CNTNAP2: variants seen among roughly 807,000 people sequenced by gnomAD.
The protein encoded by CNTNAP2 is contactin-associated protein-like 2.
A neutral mutation model predicts 155.2 loss-of-function variants in CNTNAP2; 98 were observed. The observed-to-expected ratio is 0.63, with a 90% CI of 0.54 to 0.75. The LOEUF is 0.75. Ranked by LOEUF, CNTNAP2 falls within the 30% of genes least tolerant of loss-of-function variation. The pLI is 0.00. For synonymous variants in CNTNAP2, 651 were observed against 631.2 expected (o/e 1.03, Z -0.47); for missense variants, 1,727 against 1,688.1 (o/e 1.02, Z -0.40).
In CNTNAP2 at chr7:147,679,152, G is replaced by A. The variant is rs142296445; in HGVS notation, c.2098+39846G>A. 1.3e-4 allele frequency among the ~76,000 whole-genome samples: 19 copies of A among 151,956 alleles called. No homozygotes were observed. In the East Asian group the frequency reaches 3.7e-3, roughly 29 times the overall value. ...CTGTGAAGAGCAGAGTGATATATGA[G>A]TGTGATAACTTAAGATGACATCTTA... On this transcript the variant is annotated intron_variant, in intron 13 of 23. Coordinates refer to ENST00000361727, the MANE Select transcript of CNTNAP2 (RefSeq NM_014141.6).
intron 3 of CNTNAP2, among the ~76,000 whole-genome samples, chr7:146,986,726 G>T (rs2129237976): frequency 6.6e-6 from 1 of 152,110 alleles, no homozygotes; most frequent in East Asian, 1.9e-4. Context: ...TTGCTTTGTG[G>T]TTTTGATTTG....
chr7:146,594,317 A>G (rs892742941), intron 1 of CNTNAP2, among the ~76,000 whole-genome samples: 1 of 152,094 alleles, frequency 6.6e-6, no homozygotes, highest in Non-Finnish European at 1.5e-5. Context: ...GTAGCCTTCC[A>G]GGCTTTTCCA....
chr7:147,477,105 T>A (rs1798336601), intron 10 of CNTNAP2, among the ~76,000 whole-genome samples: 1 of 152,134 alleles, frequency 6.6e-6, no homozygotes, highest in Non-Finnish European at 1.5e-5. Context: ...TATCGTCATC[T>A]TTTTTCCTCC....
intron 1 of CNTNAP2, among the ~76,000 whole-genome samples, chr7:146,496,994 C>T (rs980033945): frequency 2.0e-5 from 3 of 152,134 alleles, no homozygotes; most frequent in Non-Finnish European, 2.9e-5. Flanking sequence ...GCATTAACCT[C>T]GAGGGAATAC....
At chr7:147,643,353 G>T (rs1795316818) in intron 13 of CNTNAP2, 1 of 152,102 alleles carries the variant, frequency 6.6e-6, no homozygotes, top group Non-Finnish European at 1.5e-5. Context: ...ACCCTTCTGA[G>T]TCATTTTTTA....
At chr7:148,109,164 CA>C (rs1194499729) in intron 15 of CNTNAP2, among the ~76,000 whole-genome samples, 2 of 152,120 alleles carry the variant, frequency 1.3e-5, no homozygotes, top group Non-Finnish European at 2.9e-5. Context: ...AGTAAGTAAT[CA>C]CATTTGTTGA....
At chr7:146,151,695 T>TGCGCA (rs59305136) in intron 1 of CNTNAP2, among the ~76,000 whole-genome samples, 1 of 43,680 alleles carries the variant, frequency 2.3e-5, no homozygotes, top group African/African-American at 1.1e-4. Context: ...TATATATATA[T>TGCGCA]ATGTATATAT....
intron 13 of CNTNAP2, among the ~76,000 whole-genome samples, chr7:147,814,341 G>A (rs796159356): frequency 1.1e-4 from 17 of 152,144 alleles, no homozygotes; most frequent in African/African-American, 4.1e-4. Context: ...AAATTATTTT[G>A]GTGTCTTTTC....
intron 8 of CNTNAP2, among the ~76,000 whole-genome samples, chr7:147,184,120 T>C (rs1802518837): frequency 6.6e-6 from 1 of 152,182 alleles, no homozygotes; most frequent in African/African-American, 2.4e-5. Context: ...CCTGAGTTCC[T>C]GTAAAATGGC....
At chr7:148,149,713 A>C (rs1201116463) in intron 17 of CNTNAP2, among the ~76,000 whole-genome samples, 1 of 151,984 alleles carries the variant, frequency 6.6e-6, no homozygotes, top group Non-Finnish European at 1.5e-5. Flanking sequence ...CAGTATGCCC[A>C]GCAAATTTTT....
chr7:147,620,385 A>G (rs926123804), intron 12 of CNTNAP2, among the ~76,000 whole-genome samples: 4 of 152,178 alleles, frequency 2.6e-5, no homozygotes, highest in Non-Finnish European at 5.9e-5. Context: ...GACTTTTCAG[A>G]CAGAGAATTC....
intron 1 of CNTNAP2, among the ~76,000 whole-genome samples, chr7:146,238,873 C>T (rs1412794245): frequency 6.6e-6 from 1 of 152,120 alleles, no homozygotes; most frequent in South Asian, 2.1e-4. Flanking sequence ...ACAAAACCAT[C>T]AGATCTTGTG....
intron 13 of CNTNAP2, among the ~76,000 whole-genome samples, chr7:147,872,660 A>T: frequency 6.6e-6 from 1 of 152,238 alleles, no homozygotes; most frequent in East Asian, 1.9e-4. Context: ...GTAAATCTTG[A>T]TTCAATTCAT....
At position 146,275,090 on chromosome 7, in the gene CNTNAP2, A is replaced by G. The variant is rs564624912; in HGVS notation, c.97+158117A>G. 2.0e-3 allele frequency among the ~76,000 whole-genome samples: 309 copies of G among 152,292 alleles called. 3 individuals are homozygous for G. The highest frequency in any genetic ancestry group is 7.0e-3 in the African/African-American group (290 of 41,556). ...GTGCATTTTTAGATCCTGAATATGA[A>G]GATAATACGCACTATGCATTTGGTT... On this transcript the variant is annotated intron_variant, in intron 1 of 23. Coordinates refer to ENST00000361727, the MANE Select transcript of CNTNAP2 (RefSeq NM_014141.6).
rs6958202 is a variant in CNTNAP2, at chr7:147,072,066, C to T, written c.550+28012C>T. 4.7e-3 allele frequency among the ~76,000 whole-genome samples: 715 copies of T among 152,090 alleles called. 5 individuals are homozygous for T. Among genetic ancestry groups the T allele is most frequent in the African/African-American group, 0.016 (666 of 41,472 alleles). On this transcript the variant is annotated intron_variant, in intron 4 of 23. Transcript: ENST00000361727. ...GTGCTCTCAAGGTAATAGAAGCCAA[C>T]GGAAATGTGACTTCAGTAGTGATCT...
At chr7:148,055,112 G>C (rs1389779180) in intron 15 of CNTNAP2, among the ~76,000 whole-genome samples, 8 of 152,010 alleles carry the variant, frequency 5.3e-5, no homozygotes, top group Non-Finnish European at 1.2e-4. Flanking sequence ...TCAAACTCCT[G>C]ACCTCAGGTG....
chr7:147,202,030 C>T (rs543895998), intron 8 of CNTNAP2, among the ~76,000 whole-genome samples: 3 of 151,914 alleles, frequency 2.0e-5, no homozygotes, highest in Non-Finnish European at 4.4e-5. Flanking sequence ...AAACTAATTT[C>T]TAACCATAAA....
intron 1 of CNTNAP2, among the ~76,000 whole-genome samples, chr7:146,573,822 T>C (rs1361329017): frequency 6.6e-6 from 1 of 152,230 alleles, no homozygotes; most frequent in Non-Finnish European, 1.5e-5. Context: ...TAAGTGTTTG[T>C]CAATTAAATC....
chr7:146,550,034 A>T (rs1021625052), intron 1 of CNTNAP2, among the ~76,000 whole-genome samples: 3 of 152,186 alleles, frequency 2.0e-5, no homozygotes, highest in Admixed American at 1.3e-4. Flanking sequence ...AAAAGCGTGG[A>T]ACCTAAAAAG....
Sources: allele counts gnomAD v4.1 joint callset (sites outside exome capture counted in the v4.1 genomes callset), GRCh38; gene constraint gnomAD v4.1.1; transcripts MANE v1.5; gene names NCBI Gene and HGNC (gene_info 2026-07-23, HGNC 2026-07-21).